Variants in TRMT10B observed in about 807,000 individuals in gnomAD.
TRMT10B encodes the protein tRNA methyltransferase 10 homolog B.
Under a neutral mutation model 43.8 loss-of-function variants are expected in TRMT10B, and 33 were observed. The observed-to-expected ratio is 0.75, with a 90% CI of 0.57 to 1.01. The LOEUF (loss-of-function observed/expected upper bound fraction) is 1.01, where lower values mean the gene tolerates loss of function less well. Ranked by LOEUF, TRMT10B falls within the 50% of genes least tolerant of loss-of-function variation. TRMT10B has a pLI of 0.00. For missense variants in TRMT10B, 362 were observed against 369.8 expected (o/e 0.98, Z 0.17); for synonymous variants, 137 against 130.6 (o/e 1.05, Z -0.34).
At chr9:37,765,089 C>T (rs889316302) in intron 4 of TRMT10B, among the ~76,000 whole-genome samples, 4 of 152,014 alleles carry the variant, frequency 2.6e-5, no homozygotes, top group Admixed American at 6.6e-5. Context: ...ATGCCTTGGA[C>T]CCTTGATGAA....
At chr9:37,760,501 C>T (rs1351377390) in intron 1 of TRMT10B, among the ~76,000 whole-genome samples, 2 of 152,168 alleles carry the variant, frequency 1.3e-5, no homozygotes, top group African/African-American at 2.4e-5. Context: ...GCTTGGGTAA[C>T]AGTGAGACCC....
At chr9:37,767,892 C>CTT (rs968980930) in intron 4 of TRMT10B, among the ~76,000 whole-genome samples, 184 bp from the exon 5 acceptor site, 1 of 152,166 alleles carries the variant, frequency 6.6e-6, no homozygotes, top group Admixed American at 6.5e-5. Context: ...TGTTTCTGGA[C>CTT]TTGTATCATT....
At chr9:37,765,218 G>C (rs559528478) in intron 4 of TRMT10B, among the ~76,000 whole-genome samples, 2 of 152,244 alleles carry the variant, frequency 1.3e-5, no homozygotes, top group South Asian at 2.1e-4. Flanking sequence ...TTTAGCATTA[G>C]GTATATCTCC....
intron 7 of TRMT10B, among the ~76,000 whole-genome samples, chr9:37,774,290 C>T (rs1827901752): frequency 6.6e-6 from 1 of 152,160 alleles, no homozygotes; most frequent in Non-Finnish European, 1.5e-5. Flanking sequence ...GCATGAGCCA[C>T]GGTGCCTGGC....
chr9:37,763,846 T>TG, intron 4 of TRMT10B, 93 bp downstream of exon 4: 1 of 1,606,738 alleles, frequency 6.2e-7, no homozygotes, highest in Non-Finnish European at 8.5e-7. Flanking sequence ...CTCCAGCTTC[T>TG]GGGATTCCTT....
At chr9:37,774,729 A>G (rs1450953601) in intron 7 of TRMT10B, among the ~76,000 whole-genome samples, 1 of 152,226 alleles carries the variant, frequency 6.6e-6, no homozygotes, top group East Asian at 1.9e-4. Flanking sequence ...TGGAAGTTCT[A>G]TCTAAAATTT....
chr9:37,756,591 A>G (rs1825703863), intron 1 of TRMT10B, among the ~76,000 whole-genome samples: 1 of 151,924 alleles, frequency 6.6e-6, no homozygotes, highest in East Asian at 1.9e-4. Context: ...CCGTAGACCC[A>G]GCTACTCGGG....
intron 7 of TRMT10B, among the ~76,000 whole-genome samples, chr9:37,772,338 G>C (rs902041726): frequency 2.6e-5 from 4 of 151,818 alleles, no homozygotes; most frequent in African/African-American, 9.7e-5. Context: ...TTTTTTTAGA[G>C]ACAGGGTCTC....
intron 4 of TRMT10B, among the ~76,000 whole-genome samples, chr9:37,766,294 T>A (rs1826978907): frequency 6.6e-6 from 1 of 152,212 alleles, no homozygotes; most frequent in African/African-American, 2.4e-5. Flanking sequence ...GCTTTCTACA[T>A]ATGGCTAGCC....
chr9:37,763,213 A>G (rs1292295899), intron 3 of TRMT10B, among the ~76,000 whole-genome samples: 2 of 151,998 alleles, frequency 1.3e-5, no homozygotes, highest in Non-Finnish European at 2.9e-5. Flanking sequence ...CTATCTAACT[A>G]ACGTGTTTAT....
In TRMT10B at chr9:37,777,714, T is replaced by G. The variant is rs757056144; in HGVS notation, c.*7T>G. On this transcript the variant is annotated 3_prime_UTR_variant, in exon 9 of 9. Transcript: ENST00000297994. Reference sequence around the variant, plus strand: ...TCGGAACTCAGTGGAATGATGGGCCTAAGATTGCAGCTGCGTGGCCAGGTG... The same window carrying G: ...TCGGAACTCAGTGGAATGATGGGCCGAAGATTGCAGCTGCGTGGCCAGGTG... 1 of 1,611,182 alleles carries G rather than the reference T, an allele frequency of 6.2e-7. No individual in the cohort carries two copies. The highest frequency in any genetic ancestry group is 8.5e-7 in the Non-Finnish European group (1 of 1,177,414).
intron 1 of TRMT10B, among the ~76,000 whole-genome samples, chr9:37,754,952 C>T (rs1311759680): frequency 1.3e-5 from 2 of 152,052 alleles, no homozygotes; most frequent in African/African-American, 2.4e-5. Context: ...AAGGTGCTGC[C>T]AGGATTGGGG....
intron 2 of TRMT10B, 127 bp from the exon 3 acceptor site, chr9:37,762,450 G>T: frequency 7.3e-7 from 1 of 1,361,226 alleles, no homozygotes; most frequent in South Asian, 1.5e-5. Flanking sequence ...TTGTTTTTAA[G>T]AGTAATTTCC....
At chr9:37,756,589 C>G (rs1267298203) in intron 1 of TRMT10B, among the ~76,000 whole-genome samples, 1 of 151,678 alleles carries the variant, frequency 6.6e-6, no homozygotes, top group Non-Finnish European at 1.5e-5. Context: ...GCCCGTAGAC[C>G]CAGCTACTCG....
rs557753675 is a variant in TRMT10B, at chr9:37,767,899, CATT to C, written c.421-174_421-172del. Among the ~76,000 whole-genome samples the C allele has an allele frequency of 5.5e-4, 83 of 152,270 alleles. No individual in the cohort carries two copies. In the South Asian group the frequency reaches 0.012, roughly 23 times the overall value. On this transcript the variant is annotated intron_variant, in intron 4 of 8. Coordinates refer to ENST00000297994, the MANE Select transcript of TRMT10B (RefSeq NM_144964.4). ...TACCTCACTGTTTCTGGACTTGTAT[CATT>C]ATCTTTTGTCTGTAAGGTGTGATGC...
At chr9:37,758,572 T>C (rs997524367) in intron 1 of TRMT10B, among the ~76,000 whole-genome samples, 1 of 151,336 alleles carries the variant, frequency 6.6e-6, no homozygotes, top group Non-Finnish European at 1.5e-5. Flanking sequence ...GAGATAGAAA[T>C]ATAAGGGTGT....
chr9:37,756,620 C>A (rs912222315), intron 1 of TRMT10B, among the ~76,000 whole-genome samples: 2 of 151,784 alleles, frequency 1.3e-5, no homozygotes, highest in Admixed American at 6.6e-5. Flanking sequence ...GCATGAGAAT[C>A]GCTTGAACCT....
intron 4 of TRMT10B, among the ~76,000 whole-genome samples, chr9:37,765,117 T>C (rs1277073865): frequency 2.0e-5 from 3 of 152,052 alleles, no homozygotes; most frequent in African/African-American, 7.2e-5. Flanking sequence ...TAATTATTTA[T>C]TATTAAGTTT....
chr9:37,764,381 G>A (rs1826760947), intron 4 of TRMT10B, among the ~76,000 whole-genome samples: 2 of 146,688 alleles, frequency 1.4e-5, no homozygotes, highest in South Asian at 4.4e-4. Context: ...GAGTGCAGTG[G>A]TGCAATCTTG....
Sources: gnomAD v4.1 joint callset for allele counts (sites outside exome capture counted in the v4.1 genomes callset) on GRCh38, gnomAD v4.1.1 for gene constraint, MANE v1.5 for transcripts, NCBI Gene and HGNC (gene_info 2026-07-23, HGNC 2026-07-21) for gene names.